PACS2: variants seen among roughly 807,000 people sequenced by gnomAD.
PACS2 encodes the protein PACS1-like protein.
Under a neutral mutation model 113.0 loss-of-function variants are expected in PACS2, and 36 were observed. The observed-to-expected ratio is 0.32, with a 90% CI of 0.24 to 0.42. PACS2 has a LOEUF of 0.42. PACS2 is among the 10% of genes least tolerant of loss of function. The probability of loss-of-function intolerance (pLI) is 1.00; values close to 1 mark genes in which losing one functional copy is unlikely to be tolerated. For missense variants in PACS2, 1,015 were observed against 1,239.5 expected, an observed-to-expected ratio of 0.82 and a Z score of 2.72; for synonymous variants, 589 against 536.1, an observed-to-expected ratio of 1.10 and a Z score of -1.36.
Position 105,395,257 on chromosome 14 carries a change from A to G in PACS2, c.*585A>G, listed in dbSNP as rs906778711. The G allele has an allele frequency of 6.6e-6, 1 of 152,484 alleles. No individual in the cohort carries two copies. 9.4% of individuals were successfully genotyped at this position (152,484 alleles called of 1,614,324 possible). A position where few individuals can be genotyped will look rare whatever the true frequency, so the allele number is the denominator to read the frequency against. ...ACATGTTCTAATGTAGCTGCCAAACATGTTGCTCTTCTGAAGTCCCCCTGG... is the reference window on the plus strand; with the variant it reads ...ACATGTTCTAATGTAGCTGCCAAACGTGTTGCTCTTCTGAAGTCCCCCTGG... On this transcript the variant is annotated 3_prime_UTR_variant, in exon 25 of 25. Coordinates refer to ENST00000447393, the MANE Select transcript of PACS2 (RefSeq NM_001100913.3).
chr14:105,391,877 C>CA (rs1566972187), intron 22 of PACS2, 111 bp downstream of exon 22: 1 of 1,168,800 alleles, frequency 8.6e-7, no homozygotes, highest in Non-Finnish European at 1.2e-6. Flanking sequence ...CCTGGCCTGT[C>CA]AGCCACGAAG....
intron 1 of PACS2, among the ~76,000 whole-genome samples, chr14:105,327,173 C>T (rs144607754): frequency 1.5e-4 from 23 of 152,342 alleles, no homozygotes; most frequent in African/African-American, 5.1e-4. Context: ...CAAGGGGTAT[C>T]TCACCAGCTG....
At chr14:105,391,844 T>G in intron 22 of PACS2, 78 bp downstream of exon 22, 2 of 1,390,480 alleles carry the variant, frequency 1.4e-6, no homozygotes, top group Non-Finnish European at 1.9e-6. Flanking sequence ...TCCTCCCCTA[T>G]GTCACATCCA....
intron 1 of PACS2, among the ~76,000 whole-genome samples, chr14:105,319,704 G>C (rs1478037373): frequency 1.3e-5 from 2 of 152,186 alleles, no homozygotes; most frequent in Non-Finnish European, 1.5e-5. Context: ...TCATAGTACA[G>C]TGTTGAATAT....
intron 1 of PACS2, among the ~76,000 whole-genome samples, chr14:105,347,658 C>T (rs1326610371): frequency 1.3e-5 from 2 of 152,162 alleles, no homozygotes; most frequent in Non-Finnish European, 1.5e-5. Flanking sequence ...GTGCCTTCAC[C>T]CTTCTGCTGT....
chr14:105,346,590 C>T lies in PACS2; in HGVS notation c.120-1903C>T, dbSNP rs1211640637. On this transcript the variant is annotated intron_variant, in intron 1 of 24. Coordinates refer to ENST00000447393, the MANE Select transcript of PACS2 (RefSeq NM_001100913.3). ...CACGCGCACGACTTCCCCCCCTACCCCCTGCACGGCTCCCCCACCCCCACC... is the reference window on the plus strand; with the variant it reads ...CACGCGCACGACTTCCCCCCCTACCTCCTGCACGGCTCCCCCACCCCCACC... Among the ~76,000 whole-genome samples, 321 of 58,372 alleles carry T rather than the reference C, an allele frequency of 5.5e-3. 7 individuals carry two copies. The highest frequency in any genetic ancestry group is 8.5e-3 in the Non-Finnish European group (245 of 28,978). 38.3% of individuals were successfully genotyped at this position (58,372 alleles called of 152,430 possible).
At chr14:105,385,601 C>G in intron 18 of PACS2, 84 bp from the exon 19 acceptor site, 2 of 868,246 alleles carry the variant, frequency 2.3e-6, no homozygotes, top group Non-Finnish European at 3.4e-6. Context: ...AGATGGGAGC[C>G]ACTGAGTGCC....
chr14:105,383,809 C>T (rs2081078305), intron 16 of PACS2: 2 of 409,106 alleles, frequency 4.9e-6, no homozygotes, highest in East Asian at 4.8e-5. Context: ...GGGGCCTGAG[C>T]TGGGTGTCTC....
Position 105,391,776 on chromosome 14 carries a change from C to A in PACS2, c.2255+10C>A. On this transcript the variant is annotated intron_variant, in intron 22 of 24. Transcript: ENST00000447393. ...GCCTGTCCTCCCCCAGGTAAAGGTG[C>A]CTCACGGCTCAGCACGTTTCACTTA... 1 of 1,587,448 alleles carries A rather than the reference C, an allele frequency of 6.3e-7. No homozygotes were observed.
At chr14:105,389,847 C>T in intron 19 of PACS2, 114 bp from the exon 20 acceptor site, 7 of 942,334 alleles carry the variant, frequency 7.4e-6, no homozygotes, top group East Asian at 2.4e-5. Flanking sequence ...CAGGGCCATC[C>T]GGCAGGGCCG....
chr14:105,361,319 C>T (rs117578871), intron 4 of PACS2, among the ~76,000 whole-genome samples: 4,191 of 152,192 alleles, frequency 0.028, 67 homozygotes, highest in Non-Finnish European at 0.04. Context: ...TATGGTGAAA[C>T]GCTGTCTCTG....
Position 105,323,412 on chromosome 14 carries a change from G to A in PACS2, c.119+8375G>A, listed in dbSNP as rs2140858007. ...TCCACGTGCAGGGGCGTCTCCTCAG[G>A]ACGCATGTTGCCTACTGACCGCTGC... On this transcript the variant is annotated intron_variant, in intron 1 of 24. Coordinates refer to ENST00000447393, the MANE Select transcript of PACS2 (RefSeq NM_001100913.3). This position sits in a 1 kb window ranked among gnomAD's most constrained non-coding sequence, Gnocchi z 4.1. 6.6e-6 allele frequency among the ~76,000 whole-genome samples: 1 copy of A among 152,296 alleles called. No individual in the cohort carries two copies. The highest frequency in any genetic ancestry group is 1.5e-5 in the Non-Finnish European group (1 of 68,024).
rs782585185 is a variant in PACS2 at position 105,355,415 on chromosome 14, C to T, written c.423+238C>T. 1.8e-4 allele frequency among the ~76,000 whole-genome samples: 27 copies of T among 152,246 alleles called. No homozygotes were observed. The highest frequency in any genetic ancestry group is 3.5e-4 in the Non-Finnish European group (24 of 68,046). ...GGCTCCCCGCATGCCTGCAGCCGCG[C>T]GCACTCCCCTCTAACGAGCCTGTCC... On this transcript the variant is annotated intron_variant, in intron 4 of 24. Transcript: ENST00000447393. The surrounding 1 kb of genome is among the most constrained non-coding windows in gnomAD (Gnocchi z 4.1).
At chr14:105,380,029 C>T (rs782802668) in intron 10 of PACS2, 51 bp from the exon 11 acceptor site, 20 of 1,507,502 alleles carry the variant, frequency 1.3e-5, no homozygotes, top group Middle Eastern at 3.4e-4. Flanking sequence ...GAAGTCAGCG[C>T]CTTGGCACCT....
intron 1 of PACS2, among the ~76,000 whole-genome samples, chr14:105,308,916 G>T (rs2058269725): frequency 6.6e-6 from 1 of 152,062 alleles, no homozygotes; most frequent in Admixed American, 6.5e-5. Flanking sequence ...CTGGCCTACA[G>T]TGAGCCATGA....
At chr14:105,389,828 G>T in intron 19 of PACS2, 133 bp from the exon 20 acceptor site, 1 of 807,200 alleles carries the variant, frequency 1.2e-6, no homozygotes, top group South Asian at 1.4e-5. Flanking sequence ...ACAGGGCAGG[G>T]CTGTCCGGCA....
chr14:105,333,135 GCACA>G (rs1264486904), intron 1 of PACS2, among the ~76,000 whole-genome samples: 2 of 152,190 alleles, frequency 1.3e-5, no homozygotes, highest in Non-Finnish European at 2.9e-5. Context: ...ACATACACGT[GCACA>G]CACACACCCA....
In PACS2 at chr14:105,355,047, C is replaced by T; in HGVS notation, c.298-5C>T. The T allele has an allele frequency of 6.2e-7, 1 of 1,612,574 alleles. No homozygotes were observed. The highest frequency in any genetic ancestry group is 8.5e-7 in the Non-Finnish European group (1 of 1,179,536). ...CTCAGCTGCCACTCGCACTTGTGCCCACAGTATCCTCACTTCTTGAAGAGG... is the reference window on the plus strand; with the variant it reads ...CTCAGCTGCCACTCGCACTTGTGCCTACAGTATCCTCACTTCTTGAAGAGG... On this transcript the variant is annotated splice_polypyrimidine_tract_variant and splice_region_variant and intron_variant, in intron 3 of 24. Transcript: ENST00000447393. This position sits in a 1 kb window ranked among gnomAD's most constrained non-coding sequence, Gnocchi z 4.1.
At chr14:105,359,587 CTT>C (rs1162190552) in intron 4 of PACS2, among the ~76,000 whole-genome samples, 1,488 of 101,682 alleles carry the variant, frequency 0.015, 15 homozygotes, top group African/African-American at 0.058. Flanking sequence ...GTATTTCTTT[CTT>C]TTTTTTTTTT....
Sources: allele counts gnomAD v4.1 joint callset (sites outside exome capture counted in the v4.1 genomes callset), GRCh38; gene constraint gnomAD v4.1.1; non-coding constraint Gnocchi (gnomAD v3.1); transcripts MANE v1.5; gene names NCBI Gene and HGNC (gene_info 2026-07-23, HGNC 2026-07-21).